GNA11: variants seen among roughly 807,000 people sequenced by gnomAD.
The protein encoded by GNA11 is G protein subunit alpha 11.
GNA11 carries 8 observed loss-of-function variants against 38.2 expected under a neutral mutation model. The observed-to-expected ratio is 0.21, with a 90% confidence interval of 0.12 to 0.38. GNA11 has a LOEUF of 0.38. Ranked by LOEUF, GNA11 falls within the 10% of genes least tolerant of loss-of-function variation. The pLI is 1.00. For missense variants in GNA11, 268 were observed against 516.3 expected, an observed-to-expected ratio of 0.52 and a Z score of 4.66; for synonymous variants, 211 against 221.4, an observed-to-expected ratio of 0.95 and a Z score of 0.42.
In GNA11 at chr19:3,115,206, C is replaced by A. The variant is rs536962745; in HGVS notation, c.605+134C>A. 5 of 983,526 alleles carry A rather than the reference C, an allele frequency of 5.1e-6. No homozygotes were observed. The East Asian group carries it at 1.3e-4, about 25-fold the overall frequency. The allele number at this position is 983,526 out of a possible 1,614,324, so 60.9% of individuals were successfully genotyped here. ...ATCGCCTGAGTCCAGGAGTTTGAGA[C>A]CACCCTGGGCAACATAGCCAGACCT... On this transcript the variant is annotated intron_variant, in intron 4 of 6. Coordinates refer to ENST00000078429, the MANE Select transcript of GNA11 (RefSeq NM_002067.5).
chr19:3,103,735 G>A (rs1176347592), intron 1 of GNA11, among the ~76,000 whole-genome samples: 1 of 144,570 alleles, frequency 6.9e-6, no homozygotes, highest in Non-Finnish European at 1.5e-5. Flanking sequence ...CAAGAGTCTT[G>A]CTCTGTCGCC....
Position 3,094,687 on chromosome 19 carries a change from C to G in GNA11, c.36C>G (p.Ser12Arg). 1 of 1,571,940 alleles carries G rather than the reference C, an allele frequency of 6.4e-7. No individual in the cohort carries two copies. Among genetic ancestry groups the G allele is most frequent in the Non-Finnish European group, 8.6e-7 (1 of 1,160,744 alleles). ...TLESMMACCL[S>R]DEVKESKRIN... Reference sequence around the variant, plus strand: ...AGTCCATGATGGCGTGTTGCCTGAGCGATGAGGTGAAGGAGTCCAAGCGGA... The same window carrying G: ...AGTCCATGATGGCGTGTTGCCTGAGGGATGAGGTGAAGGAGTCCAAGCGGA... The change falls in exon 1 of 7, where the codon AGC (serine) becomes AGG (arginine). Residue 12 changes from serine to arginine, a missense_variant. Physicochemically the swap from Ser to Arg is moderately radical, Grantham distance 110. Transcript: ENST00000078429. This position sits in a 1 kb window ranked among gnomAD's most constrained non-coding sequence, Gnocchi z 6.0.
intron 4 of GNA11, 95 bp downstream of exon 4, chr19:3,115,167 G>A: frequency 7.1e-7 from 1 of 1,411,898 alleles, no homozygotes; most frequent in Non-Finnish European, 9.8e-7. Flanking sequence ...GCTTTGGGAG[G>A]CCAAGGCGGG....
chr19:3,094,785 T>C lies in GNA11; in HGVS notation c.134T>C (p.Leu45Pro). ...DARRELKLLL[L>P]GTGESGKSTF... ...CGGCGCGAGCTCAAGCTGCTGCTGC[T>C]CGGTGAGTGCGGCCCCCGGGCCTGC... Residue 45 changes from leucine to proline, a missense_variant and splice_region_variant, in exon 1 of 7, where the codon CTC (leucine) becomes CCC (proline). Physicochemically the swap from Leu to Pro is moderately conservative, Grantham distance 98. This residue lies in a region of GNA11 where 151 missense variants were observed against 254.0 expected (regional missense o/e 0.59). Transcript: ENST00000078429. This position sits in a 1 kb window ranked among gnomAD's most constrained non-coding sequence, Gnocchi z 6.0. The C allele has an allele frequency of 6.3e-7, 1 of 1,579,686 alleles. No homozygotes were observed. The highest frequency in any genetic ancestry group is 8.6e-7 in the Non-Finnish European group (1 of 1,165,246).
In GNA11 at chr19:3,120,574, T is replaced by G. The variant is rs1914044695; in HGVS notation, c.890-415T>G. Among the ~76,000 whole-genome samples the G allele has an allele frequency of 6.6e-6, 1 of 151,440 alleles. No homozygotes were observed. Among genetic ancestry groups the G allele is most frequent in the Non-Finnish European group, 1.5e-5 (1 of 67,794 alleles). ...CTGCAGCAGGGGCACCGTGGGTGGGTGGGGGCCACTGTTCCTGCTCTGTAG... is the reference window on the plus strand; with the variant it reads ...CTGCAGCAGGGGCACCGTGGGTGGGGGGGGGCCACTGTTCCTGCTCTGTAG... On this transcript the variant is annotated intron_variant, in intron 6 of 6. Coordinates refer to ENST00000078429, the MANE Select transcript of GNA11 (RefSeq NM_002067.5). This position sits in a 1 kb window ranked among gnomAD's most constrained non-coding sequence, Gnocchi z 5.9.
At chr19:3,113,800 G>A (rs916955357) in intron 3 of GNA11, among the ~76,000 whole-genome samples, 3 of 152,204 alleles carry the variant, frequency 2.0e-5, no homozygotes, top group Non-Finnish European at 4.4e-5. Flanking sequence ...GGCCTGTGGG[G>A]GAAACCCAGG....
chr19:3,111,096 C>T (rs117896857), intron 2 of GNA11, among the ~76,000 whole-genome samples: 2,273 of 151,850 alleles, frequency 0.015, 21 homozygotes, highest in Non-Finnish European at 0.025. Context: ...GCCTGGCCTC[C>T]GCCCTGGTTT....
At chr19:3,106,873 T>G (rs1913652889) in intron 1 of GNA11, among the ~76,000 whole-genome samples, 1 of 152,262 alleles carries the variant, frequency 6.6e-6, no homozygotes, top group African/African-American at 2.4e-5. Context: ...GTATCCATAT[T>G]GCCTCTGCAG....
intron 3 of GNA11, 152 bp from the exon 4 acceptor site, chr19:3,114,792 T>C: frequency 1.5e-6 from 1 of 687,332 alleles, no homozygotes; most frequent in Non-Finnish European, 2.4e-6. Context: ...GCCCGAGCCC[T>C]CCGGGCTGCT....
Position 3,119,674 on chromosome 19 carries a change from G to T in GNA11, c.889+315G>T, listed in dbSNP as rs936463708. Among the ~76,000 whole-genome samples, 3 of 151,622 alleles carry T rather than the reference G, an allele frequency of 2.0e-5. No homozygotes were observed. The highest frequency in any genetic ancestry group is 4.4e-5 in the Non-Finnish European group (3 of 67,826). ...CTCGGGTGGGAGGAGTCTTGTACAA[G>T]GAGGGCACCATGGGAGGGGGAGTCT... is the stretch of plus-strand genomic sequence containing the variant. On this transcript the variant is annotated intron_variant, in intron 6 of 6. Transcript: ENST00000078429. The surrounding 1 kb of genome is among the most constrained non-coding windows in gnomAD (Gnocchi z 4.6).
At chr19:3,100,250 A>G (rs1212049294) in intron 1 of GNA11, among the ~76,000 whole-genome samples, 1 of 152,248 alleles carries the variant, frequency 6.6e-6, no homozygotes, top group East Asian at 1.9e-4. Flanking sequence ...GGTACTGAGC[A>G]GCGTCCCTGG....
intron 2 of GNA11, among the ~76,000 whole-genome samples, chr19:3,112,018 C>G (rs918048445): frequency 1.3e-5 from 2 of 152,368 alleles, no homozygotes; most frequent in Middle Eastern, 3.4e-3. Context: ...CTGCAAACTG[C>G]AGACTGATTT....
intron 1 of GNA11, among the ~76,000 whole-genome samples, chr19:3,101,430 A>G (rs1350896648): frequency 6.6e-6 from 1 of 152,054 alleles, no homozygotes; most frequent in Non-Finnish European, 1.5e-5. Flanking sequence ...GGCCGGGTCC[A>G]CGCTGTGGGA....
chr19:3,116,140 G>A (rs949695394), intron 4 of GNA11, among the ~76,000 whole-genome samples: 7 of 152,088 alleles, frequency 4.6e-5, no homozygotes, highest in African/African-American at 1.7e-4. Context: ...AGCAGAGCCG[G>A]GTTCTCCCTG....
chr19:3,095,822 G>A (rs993600726), intron 1 of GNA11, among the ~76,000 whole-genome samples: 19 of 152,156 alleles, frequency 1.2e-4, no homozygotes, highest in African/African-American at 4.3e-4. Context: ...CCCCCCACCT[G>A]CCGGCTCCTC....
rs571918485 is a variant in GNA11 at position 3,122,948 on chromosome 19, C to T, written c.*1769C>T. The T allele has an allele frequency of 6.0e-5, 14 of 233,358 alleles. No homozygotes were observed. Among genetic ancestry groups the T allele is most frequent in the East Asian group, 1.8e-4 (3 of 16,572 alleles). 14.5% of individuals were successfully genotyped at this position (233,358 alleles called of 1,614,324 possible). ...GGGAGACGGGGCTGGCGGGATACCC[C>T]CCCCCCGGCTTCCCCACACCACTTC... On this transcript the variant is annotated 3_prime_UTR_variant, in exon 7 of 7. Coordinates refer to ENST00000078429, the MANE Select transcript of GNA11 (RefSeq NM_002067.5). This position sits in a 1 kb window ranked among gnomAD's most constrained non-coding sequence, Gnocchi z 7.7.
At chr19:3,096,074 AG>A (rs1436993356) in intron 1 of GNA11, among the ~76,000 whole-genome samples, 2 of 152,020 alleles carry the variant, frequency 1.3e-5, no homozygotes, top group Non-Finnish European at 2.9e-5. Context: ...GCGGTGACGG[AG>A]GAGGGGGCGT....
Position 3,103,085 on chromosome 19 carries a change from C to T in GNA11, c.137-7064C>T, listed in dbSNP as rs143182791. Among the ~76,000 whole-genome samples, 382 of 152,300 alleles carry T rather than the reference C, an allele frequency of 2.5e-3. 4 individuals carry two copies. Among genetic ancestry groups the T allele is most frequent in the Admixed American group, 0.011 (166 of 15,300 alleles). ...TGGGCACTGTGGGGCTCGGCTCAGG[C>T]GTCGTAGACGGGAAGCAGCCTGGAA... is the stretch of plus-strand genomic sequence containing the variant. On this transcript the variant is annotated intron_variant, in intron 1 of 6. Coordinates refer to ENST00000078429, the MANE Select transcript of GNA11 (RefSeq NM_002067.5).
chr19:3,098,220 A>G (rs1351933313), intron 1 of GNA11, among the ~76,000 whole-genome samples: 1 of 152,190 alleles, frequency 6.6e-6, no homozygotes, highest in Non-Finnish European at 1.5e-5. Flanking sequence ...GATGCTGGTG[A>G]CAGCTGTGGA....
Sources: gnomAD v4.1 joint callset for allele counts (sites outside exome capture counted in the v4.1 genomes callset) on GRCh38, gnomAD v4.1.1 for gene constraint, gnomAD v4.1.1 regional missense constraint, Gnocchi (gnomAD v3.1) non-coding constraint, MANE v1.5 for transcripts, NCBI Gene and HGNC (gene_info 2026-07-23, HGNC 2026-07-21) for gene names.